The following NEMP2 variants were observed in gnomAD, a reference collection of about 807,000 sequenced individuals.
NEMP2 encodes the protein nuclear envelope integral membrane protein 2.
NEMP2 carries 53 observed loss-of-function variants against 54.2 expected under a neutral mutation model. The ratio of observed to expected loss-of-function variants is 0.98; its 90% confidence interval spans 0.78 to 1.23. NEMP2 has a LOEUF of 1.23. Ranked by LOEUF, NEMP2 falls within the 50% of genes most tolerant of loss-of-function variation. NEMP2 has a pLI of 0.00. For missense variants in NEMP2, 455 were observed against 511.3 expected (o/e 0.89, Z 1.06); for synonymous variants, 197 against 190.3 (o/e 1.04, Z -0.29).
the NEMP2 span, among the ~76,000 whole-genome samples, chr2:190,579,167 C>A: frequency 9.9e-5 from 15 of 152,042 alleles, no homozygotes; most frequent in Non-Finnish European, 1.8e-4. Flanking sequence ...TGAAACCCTA[C>A]GATAGTACTT....
the NEMP2 span, among the ~76,000 whole-genome samples, chr2:190,455,934 C>CTTTTTTTTTTT: frequency 4.4e-4 from 29 of 65,388 alleles, 5 homozygotes; most frequent in Admixed American, 8.0e-4. Context: ...ATTTACTCTG[C>CTTTTTTTTTTT]TTTTTTTTTT....
downstream of NEMP2, chr2:190,500,387 A>T (rs1305434379): frequency 1.1e-5 from 8 of 700,200 alleles, no homozygotes; most frequent in Non-Finnish European, 1.9e-5. The surrounding 1 kb of genome is among the most constrained non-coding windows in gnomAD (Gnocchi z 5.3). Flanking sequence ...GCTACAGTAC[A>T]TATTGGCAGG....
At chr2:190,488,824 A>T in the NEMP2 span, 10 of 1,546,190 alleles carry the variant, frequency 6.5e-6, no homozygotes, top group Non-Finnish European at 8.7e-6. This position sits in a 1 kb window ranked among gnomAD's most constrained non-coding sequence, Gnocchi z 6.4. Context: ...TTTTGGTAAG[A>T]ATGGCTTTCT....
the NEMP2 span, among the ~76,000 whole-genome samples, chr2:190,471,757 C>T: frequency 2.6e-5 from 4 of 152,158 alleles, no homozygotes; most frequent in South Asian, 2.1e-4. This position sits in a 1 kb window ranked among gnomAD's most constrained non-coding sequence, Gnocchi z 4.7. Context: ...TCTCCCAGGA[C>T]GCAGCTTGAG....
the NEMP2 span, among the ~76,000 whole-genome samples, chr2:190,621,127 G>A: frequency 6.6e-6 from 1 of 152,240 alleles, no homozygotes; most frequent in African/African-American, 2.4e-5. Flanking sequence ...ATAGTCATAA[G>A]TTGTTTAATG....
At chr2:190,647,532 A>G in the NEMP2 span, among the ~76,000 whole-genome samples, 1 of 152,102 alleles carries the variant, frequency 6.6e-6, no homozygotes, top group Non-Finnish European at 1.5e-5. Context: ...GTATGTTAAA[A>G]TGGGATTCTA....
the NEMP2 span, among the ~76,000 whole-genome samples, chr2:190,641,834 T>C: frequency 6.6e-6 from 1 of 152,278 alleles, no homozygotes; most frequent in South Asian, 2.1e-4. Context: ...TTGCGGAGTT[T>C]TAACCACTGT....
the NEMP2 span, among the ~76,000 whole-genome samples, chr2:190,485,489 A>C: frequency 7.9e-5 from 12 of 152,168 alleles, no homozygotes; most frequent in Non-Finnish European, 1.6e-4. This position sits in a 1 kb window ranked among gnomAD's most constrained non-coding sequence, Gnocchi z 5.1. Flanking sequence ...ATTTTGAATA[A>C]ATTAATTTAT....
chr2:190,453,811 G>T, the NEMP2 span, among the ~76,000 whole-genome samples: 1 of 152,190 alleles, frequency 6.6e-6, no homozygotes, highest in Non-Finnish European at 1.5e-5. Flanking sequence ...AGGTGTCACT[G>T]TCTGTGCCTT....
At chr2:190,610,191 T>C in the NEMP2 span, 2 of 152,214 alleles carry the variant, frequency 1.3e-5, no homozygotes, top group Non-Finnish European at 2.9e-5. This position sits in a 1 kb window ranked among gnomAD's most constrained non-coding sequence, Gnocchi z 5.4. Flanking sequence ...TCTCTCTTCA[T>C]GGTAGGACTG....
At chr2:190,584,722 A>T in the NEMP2 span, among the ~76,000 whole-genome samples, 6 of 152,044 alleles carry the variant, frequency 3.9e-5, no homozygotes, top group Non-Finnish European at 8.8e-5. This position sits in a 1 kb window ranked among gnomAD's most constrained non-coding sequence, Gnocchi z 4.2. Context: ...AAAAAATTTT[A>T]AAAATTAGCT....
upstream of NEMP2, among the ~76,000 whole-genome samples, chr2:190,535,504 C>T (rs573940606): frequency 2.0e-5 from 3 of 152,290 alleles, no homozygotes; most frequent in South Asian, 6.2e-4. Flanking sequence ...CTCCACAGGA[C>T]CTGGAACCCA....
the NEMP2 span, among the ~76,000 whole-genome samples, chr2:190,444,526 T>A: frequency 6.6e-6 from 1 of 152,248 alleles, no homozygotes; most frequent in African/African-American, 2.4e-5. Flanking sequence ...GTAAAGTGGC[T>A]GTGTGTTCTT....
the NEMP2 span, among the ~76,000 whole-genome samples, chr2:190,545,090 G>A: frequency 6.6e-6 from 1 of 151,764 alleles, no homozygotes; most frequent in Non-Finnish European, 1.5e-5. Flanking sequence ...AACAAATCAA[G>A]ACCCTGTCTC....
At chr2:190,548,220 CT>C in the NEMP2 span, among the ~76,000 whole-genome samples, 11 of 149,328 alleles carry the variant, frequency 7.4e-5, no homozygotes, top group African/African-American at 1.7e-4. Context: ...GATGGCACTC[CT>C]TTTTTTTTTC....
At chr2:190,589,879 G>A in the NEMP2 span, among the ~76,000 whole-genome samples, 1 of 152,134 alleles carries the variant, frequency 6.6e-6, no homozygotes, top group Non-Finnish European at 1.5e-5. This position sits in a 1 kb window ranked among gnomAD's most constrained non-coding sequence, Gnocchi z 4.3. Flanking sequence ...CCTATTTAGG[G>A]CTGCAAACTG....
chr2:190,628,669 T>C, the NEMP2 span: 4 of 152,160 alleles, frequency 2.6e-5, no homozygotes, highest in African/African-American at 9.7e-5. The surrounding 1 kb of genome is among the most constrained non-coding windows in gnomAD (Gnocchi z 4.1). Flanking sequence ...GGATGGGCAG[T>C]GTTTGGGGCT....
chr2:190,426,838 T>A, the NEMP2 span, among the ~76,000 whole-genome samples: 1 of 152,236 alleles, frequency 6.6e-6, no homozygotes, highest in African/African-American at 2.4e-5. This position sits in a 1 kb window ranked among gnomAD's most constrained non-coding sequence, Gnocchi z 4.7. Flanking sequence ...CTGTGGATCT[T>A]ATTTAGACCT....
chr2:190,631,734 T>C, the NEMP2 span, among the ~76,000 whole-genome samples: 2 of 152,158 alleles, frequency 1.3e-5, no homozygotes, highest in Non-Finnish European at 2.9e-5. Context: ...CAGGAGACAG[T>C]CCAATATAGA....
Sources: gnomAD v4.1 joint callset for allele counts (sites outside exome capture counted in the v4.1 genomes callset) on GRCh38, gnomAD v4.1.1 for gene constraint, Gnocchi (gnomAD v3.1) non-coding constraint, MANE v1.5 for transcripts, NCBI Gene and HGNC (gene_info 2026-07-23, HGNC 2026-07-21) for gene names.